RNF144B: variants seen among roughly 807,000 people sequenced by gnomAD.
RNF144B encodes ring finger protein 144B, also known as E3 ubiquitin-protein ligase RNF144B.
Under a neutral mutation model 40.2 loss-of-function variants are expected in RNF144B, and 25 were observed. The observed-to-expected ratio is 0.62, with a 90% CI of 0.45 to 0.87. The LOEUF is 0.87. Ranked by LOEUF, RNF144B falls within the 40% of genes least tolerant of loss-of-function variation. RNF144B has a pLI of 0.00. For missense variants in RNF144B, 365 were observed against 373.7 expected, an observed-to-expected ratio of 0.98 and a Z score of 0.19; for synonymous variants, 145 against 136.3, an observed-to-expected ratio of 1.06 and a Z score of -0.44.
chr6:18,428,465 A>G (rs956399173), intron 3 of RNF144B, among the ~76,000 whole-genome samples: 1 of 151,958 alleles, frequency 6.6e-6, no homozygotes, highest in African/African-American at 2.4e-5. Context: ...CTTTCAATTG[A>G]TCTGTAGCAG....
At chr6:18,397,284 T>C (rs1741115222) in intron 1 of RNF144B, among the ~76,000 whole-genome samples, 1 of 152,200 alleles carries the variant, frequency 6.6e-6, no homozygotes, top group South Asian at 2.1e-4. Context: ...AGACTTAAGC[T>C]ATTGTTGGGA....
chr6:18,445,444 G>A (rs955026265), intron 4 of RNF144B, among the ~76,000 whole-genome samples: 5 of 152,310 alleles, frequency 3.3e-5, no homozygotes, highest in African/African-American at 1.2e-4. Context: ...GAATACAGAA[G>A]TAGAAAATAG....
In RNF144B at chr6:18,459,766, G is replaced by A. The variant is rs781482699; in HGVS notation, c.681+15G>A. 4 of 1,612,648 alleles carry A rather than the reference G, an allele frequency of 2.5e-6. No homozygotes were observed. In the Admixed American group the frequency reaches 5.0e-5, roughly 20 times the overall value. On this transcript the variant is annotated intron_variant, in intron 6 of 7. Transcript: ENST00000259939. This position sits in a 1 kb window ranked among gnomAD's most constrained non-coding sequence, Gnocchi z 4.2. ...AGAACTTGGATGTAAGTTCCACCTA[G>A]GTTTGTTGTATGGTGTTTCCTATAC...
chr6:18,411,487 ATATATATATATTTTTTTT>A (rs1348636995), intron 2 of RNF144B, among the ~76,000 whole-genome samples: 2 of 23,098 alleles, frequency 8.7e-5, no homozygotes, highest in African/African-American at 2.5e-4. Flanking sequence ...ATATATATAT[ATATATATATATTTTTTTT>A]TTTTTTTTTT....
intron 7 of RNF144B, 75 bp downstream of exon 7, chr6:18,463,455 C>T (rs1353493591): frequency 1.3e-5 from 11 of 869,164 alleles, no homozygotes; most frequent in African/African-American, 3.3e-5. Context: ...TTCGCCTTTC[C>T]TCATTATTCC....
rs1227922435 is a variant in RNF144B at position 18,465,610 on chromosome 6, G to T, written c.*543G>T. On this transcript the variant is annotated 3_prime_UTR_variant, in exon 8 of 8. Transcript: ENST00000259939. ...GGTGGTTGTGCCTCTGCTGGCTACT[G>T]GGTGTGCTGTCCCCATGTTCCCGCT... The T allele has an allele frequency of 1.3e-5, 2 of 152,892 alleles. No homozygotes were observed. The highest frequency in any genetic ancestry group is 2.9e-5 in the Non-Finnish European group (2 of 68,514). The allele number at this position is 152,892 out of a possible 1,614,324, so 9.5% of individuals were successfully genotyped here.
At position 18,410,146 on chromosome 6, in the gene RNF144B, C is replaced by T. The variant is rs1240790221; in HGVS notation, c.165+10447C>T. Among the ~76,000 whole-genome samples, 4 of 152,174 alleles carry T rather than the reference C, an allele frequency of 2.6e-5. No homozygotes were observed. The highest frequency in any genetic ancestry group is 9.7e-5 in the African/African-American group (4 of 41,448). ...CCAGAGAGCAGGCAAAAGTTGGTTTCTGATGAGAGAACTTTTCCATTGTTG... is the reference window on the plus strand; with the variant it reads ...CCAGAGAGCAGGCAAAAGTTGGTTTTTGATGAGAGAACTTTTCCATTGTTG... On this transcript the variant is annotated intron_variant, in intron 2 of 7. Transcript: ENST00000259939. The surrounding 1 kb of genome is among the most constrained non-coding windows in gnomAD (Gnocchi z 4.6).
chr6:18,407,984 C>CTT (rs370801682), intron 2 of RNF144B, among the ~76,000 whole-genome samples: 7,419 of 133,240 alleles, frequency 0.056, 398 homozygotes, highest in East Asian at 0.22. Flanking sequence ...CTTTCTTTTT[C>CTT]TTTTTTTTTT....
At chr6:18,387,655 G>T in intron 1 of RNF144B, 25 bp downstream of exon 1, 1 of 1,290,802 alleles carries the variant, frequency 7.7e-7, no homozygotes, top group Non-Finnish European at 1.0e-6. Flanking sequence ...CTTTTTAAAG[G>T]CTACAGGCGT....
rs1759088515 is a variant in RNF144B, at chr6:18,446,682, G to A, written c.331+6938G>A. On this transcript the variant is annotated intron_variant, in intron 4 of 7. Transcript: ENST00000259939. This position sits in a 1 kb window ranked among gnomAD's most constrained non-coding sequence, Gnocchi z 4.7. Reference sequence around the variant, plus strand: ...TGCTGGGTCAGTGATTGTCAGAGAAGGGTGAATGGATCTTCCAGGGATATT... The same window carrying A: ...TGCTGGGTCAGTGATTGTCAGAGAAAGGTGAATGGATCTTCCAGGGATATT... Among the ~76,000 whole-genome samples the A allele has an allele frequency of 6.6e-6, 1 of 152,140 alleles. No homozygotes were observed. The highest frequency in any genetic ancestry group is 2.1e-4 in the South Asian group (1 of 4,834).
chr6:18,456,447 A>G lies in RNF144B; in HGVS notation c.332-708A>G, dbSNP rs1759327195. Among the ~76,000 whole-genome samples, 1 of 152,236 alleles carries G rather than the reference A, an allele frequency of 6.6e-6. No homozygotes were observed. The highest frequency in any genetic ancestry group is 2.4e-5 in the African/African-American group (1 of 41,456). On this transcript the variant is annotated intron_variant, in intron 4 of 7. Coordinates refer to ENST00000259939, the MANE Select transcript of RNF144B (RefSeq NM_182757.4). The surrounding 1 kb of genome is among the most constrained non-coding windows in gnomAD (Gnocchi z 4.7). ...AAGGACAAAGTCTTTTTGGAAAAAT[A>G]TCTTATTAAAAATTTGCTTTTTATG...
chr6:18,438,274 C>T (rs80002259), intron 3 of RNF144B, among the ~76,000 whole-genome samples: 2,309 of 152,226 alleles, frequency 0.015, 69 homozygotes, highest in African/African-American at 0.052. Flanking sequence ...AGCATTATAA[C>T]AGATGAATAA....
rs1452755330 is a variant in RNF144B, at chr6:18,468,549, T to C, written c.*3482T>C. 4 of 152,070 alleles carry C rather than the reference T, an allele frequency of 2.6e-5. No homozygotes were observed. The highest frequency in any genetic ancestry group is 7.2e-5 in the African/African-American group (3 of 41,396). 9.4% of individuals were successfully genotyped at this position (152,070 alleles called of 1,614,324 possible). On this transcript the variant is annotated 3_prime_UTR_variant, in exon 8 of 8. Coordinates refer to ENST00000259939, the MANE Select transcript of RNF144B (RefSeq NM_182757.4). ...CCACGTTTTTTCTTAAAAATTATTC[T>C]GAATTAAATGTATATTTCTTTAGCC...
Position 18,458,940 on chromosome 6 carries a change from C to T in RNF144B, c.537-667C>T, listed in dbSNP as rs1362079048. ...CAAATTGTGGACTAGGGATGCTCAACCTGTAATAACTGTCTTATGACAATA... is the reference window on the plus strand; with the variant it reads ...CAAATTGTGGACTAGGGATGCTCAATCTGTAATAACTGTCTTATGACAATA... On this transcript the variant is annotated intron_variant, in intron 5 of 7. Transcript: ENST00000259939. This position sits in a 1 kb window ranked among gnomAD's most constrained non-coding sequence, Gnocchi z 4.8. 2.6e-5 allele frequency among the ~76,000 whole-genome samples: 4 copies of T among 152,122 alleles called. No individual in the cohort carries two copies. Among genetic ancestry groups the T allele is most frequent in the African/African-American group, 9.7e-5 (4 of 41,422 alleles).
In RNF144B at chr6:18,450,892, A is replaced by T. The variant is rs190243688; in HGVS notation, c.332-6263A>T. On this transcript the variant is annotated intron_variant, in intron 4 of 7. Coordinates refer to ENST00000259939, the MANE Select transcript of RNF144B (RefSeq NM_182757.4). This position sits in a 1 kb window ranked among gnomAD's most constrained non-coding sequence, Gnocchi z 4.7. ...TTGATATGGTGCTTTATCTCTTTGT[A>T]ATCTAATGTCATTGTGTTTTGTCTC... 4.3e-4 allele frequency among the ~76,000 whole-genome samples: 66 copies of T among 152,284 alleles called. No homozygotes were observed. The highest frequency in any genetic ancestry group is 1.5e-3 in the African/African-American group (61 of 41,564).
At chr6:18,455,050 C>T (rs1759296066) in intron 4 of RNF144B, among the ~76,000 whole-genome samples, 1 of 152,166 alleles carries the variant, frequency 6.6e-6, no homozygotes, top group South Asian at 2.1e-4. Context: ...ACATACTAAC[C>T]TTCATTTCTT....
At position 18,465,030 on chromosome 6, in the gene RNF144B, G is replaced by C; in HGVS notation, c.875G>C (p.Arg292Pro). The C allele has an allele frequency of 6.2e-7, 1 of 1,613,582 alleles. No homozygotes were observed. Residue 292 changes from arginine (R) to proline (P), a missense_variant, in exon 8 of 8, where the codon CGG becomes CCG. By Grantham distance (103) the Arg-to-Pro change is moderately radical (BLOSUM62 -2). Transcript: ENST00000259939. ...CIICCVCKSC[R>P]GKKKKHDPST... ...ATCTGTTGTGTCTGCAAGTCCTGTC[G>C]GGGCAAGAAGAAAAAGCACGACCCA... is the stretch of plus-strand genomic sequence containing the variant.
rs1203497099 is a variant in RNF144B, at chr6:18,405,945, T to A, written c.165+6246T>A. The A allele has an allele frequency of 2.1e-6, 1 of 479,274 alleles. No individual in the cohort carries two copies. Among genetic ancestry groups the A allele is most frequent in the Non-Finnish European group, 4.2e-6 (1 of 240,638 alleles). 29.7% of individuals were successfully genotyped at this position (479,274 alleles called of 1,614,324 possible). On this transcript the variant is annotated intron_variant, in intron 2 of 7. Coordinates refer to ENST00000259939, the MANE Select transcript of RNF144B (RefSeq NM_182757.4). This position sits in a 1 kb window ranked among gnomAD's most constrained non-coding sequence, Gnocchi z 4.5. ...ATAGTCCTAGAATTGTAAGTGACCT[T>A]AGATCTTCTAGTTCCCCCACCCTCC...
intron 6 of RNF144B, among the ~76,000 whole-genome samples, 170 bp from the exon 7 acceptor site, chr6:18,463,121 G>A (rs1385198042): frequency 1.3e-5 from 2 of 151,816 alleles, no homozygotes; most frequent in Non-Finnish European, 2.9e-5. Flanking sequence ...TTTCACTTTG[G>A]TGATTTACAA....
Sources: gnomAD v4.1 joint callset for allele counts (sites outside exome capture counted in the v4.1 genomes callset) on GRCh38, gnomAD v4.1.1 for gene constraint, Gnocchi (gnomAD v3.1) non-coding constraint, MANE v1.5 for transcripts, NCBI Gene and HGNC (gene_info 2026-07-23, HGNC 2026-07-21) for gene names.